UNC45B: variants seen among roughly 807,000 people sequenced by gnomAD.
UNC45B encodes protein unc-45 homolog B.
A neutral mutation model predicts 98.7 loss-of-function variants in UNC45B; 78 were observed. That is an observed-to-expected ratio of 0.79 (90% confidence interval 0.66 to 0.95). The LOEUF (loss-of-function observed/expected upper bound fraction) is 0.95, where lower values mean the gene tolerates loss of function less well. Ranked by LOEUF, UNC45B falls within the 40% of genes least tolerant of loss-of-function variation. The pLI, the probability that UNC45B is intolerant of heterozygous loss-of-function variation, is 0.00. For missense variants in UNC45B, 1,225 were observed against 1,184.9 expected, an observed-to-expected ratio of 1.03 and a Z score of -0.50; for synonymous variants, 462 against 480.4, an observed-to-expected ratio of 0.96 and a Z score of 0.50.
At chr17:35,181,408 A>T (rs1260637496) in intron 18 of UNC45B, among the ~76,000 whole-genome samples, 2 of 152,182 alleles carry the variant, frequency 1.3e-5, no homozygotes, top group East Asian at 1.9e-4. Flanking sequence ...GGGCCCTCAC[A>T]TAGGGGCTAG....
intron 5 of UNC45B, among the ~76,000 whole-genome samples, chr17:35,153,540 C>T (rs1295779637): frequency 6.6e-6 from 1 of 151,254 alleles, no homozygotes; most frequent in African/African-American, 2.4e-5. Flanking sequence ...ATTGAACATT[C>T]GAGTGTTTTA....
rs1267865119 is a variant in UNC45B at position 35,155,523 on chromosome 17, AC to A, written c.808+61del. 3.2e-6 allele frequency: 5 copies of A among 1,561,528 alleles called. No homozygotes were observed. In the East Asian group the frequency reaches 1.1e-4, roughly 35 times the overall value. On this transcript the variant is annotated intron_variant, in intron 7 of 19. Coordinates refer to ENST00000394570, the MANE Select transcript of UNC45B (RefSeq NM_001267052.2). ...ATGGGGAAAGAAAAGGTCAGTTGCT[AC>A]CTCAGACTGGGAATTCCCTGTATGT...
At chr17:35,156,400 G>A (rs2092061746) in intron 7 of UNC45B, among the ~76,000 whole-genome samples, 1 of 152,154 alleles carries the variant, frequency 6.6e-6, no homozygotes, top group Non-Finnish European at 1.5e-5. Context: ...GGCCGAGGTG[G>A]ATGGATCATG....
At chr17:35,153,485 C>CTT (rs34389477) in intron 5 of UNC45B, among the ~76,000 whole-genome samples, 45 of 148,946 alleles carry the variant, frequency 3.0e-4, no homozygotes, top group Non-Finnish European at 5.4e-4. Context: ...AACTTGTTAC[C>CTT]TTTTTTTTTT....
intron 7 of UNC45B, among the ~76,000 whole-genome samples, chr17:35,155,959 G>C (rs1351199986): frequency 6.6e-6 from 1 of 152,156 alleles, no homozygotes; most frequent in East Asian, 1.9e-4. Flanking sequence ...AGCGTCTATT[G>C]GTGGGTGACT....
At chr17:35,157,307 T>G (rs2092070508) in intron 7 of UNC45B, among the ~76,000 whole-genome samples, 1 of 152,158 alleles carries the variant, frequency 6.6e-6, no homozygotes, top group South Asian at 2.1e-4. Context: ...TGGCACGATC[T>G]CAGCTCATTG....
In UNC45B at chr17:35,177,099, C is replaced by G; in HGVS notation, c.2108C>G (p.Ser703Cys). 1.9e-6 allele frequency: 3 copies of G among 1,614,174 alleles called. No homozygotes were observed. The highest frequency in any genetic ancestry group is 2.5e-6 in the Non-Finnish European group (3 of 1,180,032). The change falls in exon 16 of 20, where the codon TCC (serine) becomes TGC (cysteine). Residue 703 changes from serine to cysteine, a missense_variant. Coordinates refer to ENST00000394570, the MANE Select transcript of UNC45B (RefSeq NM_001267052.2). ...AHALAKIAAV[S>C]NPDIAFPGER... ...GCTCTAGCAAAGATCGCTGCTGTCTCCAATCCGGACATTGCTTTTCCTGGG... is the reference window on the plus strand; with the variant it reads ...GCTCTAGCAAAGATCGCTGCTGTCTGCAATCCGGACATTGCTTTTCCTGGG...
intron 13 of UNC45B, among the ~76,000 whole-genome samples, chr17:35,173,093 C>T (rs567078249): frequency 2.0e-5 from 3 of 151,726 alleles, no homozygotes; most frequent in Non-Finnish European, 4.4e-5. Flanking sequence ...CACATTGCCA[C>T]ACGCACTGTG....
At chr17:35,172,852 T>C (rs956108016) in intron 13 of UNC45B, among the ~76,000 whole-genome samples, 7 of 152,234 alleles carry the variant, frequency 4.6e-5, no homozygotes, top group African/African-American at 1.7e-4. Flanking sequence ...ACGCATCATT[T>C]AGTCTTTTGG....
Position 35,170,257 on chromosome 17 carries a change from C to A in UNC45B, c.1689+2C>A, listed in dbSNP as rs1434641920. ...CAGGCCATGTTTGAGCTGGCCAAGG[C>A]AGGTGTCGGGGAGTCTGGCCCGACC... is the stretch of plus-strand genomic sequence containing the variant. On this transcript the variant is annotated splice_donor_variant, in intron 12 of 19. Coordinates refer to ENST00000394570, the MANE Select transcript of UNC45B (RefSeq NM_001267052.2). LOFTEE classifies it high-confidence loss of function. 4 of 1,603,322 alleles carry A rather than the reference C, an allele frequency of 2.5e-6. No individual in the cohort carries two copies. The highest frequency in any genetic ancestry group is 3.4e-6 in the Non-Finnish European group (4 of 1,172,814).
At chr17:35,175,070 A>AGAAAGAAAGAAAGAAAGAAG (rs2092220792) in intron 14 of UNC45B, among the ~76,000 whole-genome samples, 3 of 121,000 alleles carry the variant, frequency 2.5e-5, no homozygotes, top group African/African-American at 9.5e-5. Flanking sequence ...GAAGAAAGAA[A>AGAAAGAAAGAAAGAAAGAAG]GAAAGAAAGA....
chr17:35,161,722 G>A (rs1199767780), intron 8 of UNC45B, among the ~76,000 whole-genome samples: 1 of 152,164 alleles, frequency 6.6e-6, no homozygotes, highest in Non-Finnish European at 1.5e-5. Flanking sequence ...TGGTGGCTGG[G>A]ATCCCCTAGA....
chr17:35,174,503 AG>A (rs1422788300), intron 14 of UNC45B, 134 bp downstream of exon 14: 2 of 1,293,552 alleles, frequency 1.5e-6, no homozygotes, highest in African/African-American at 3.0e-5. Context: ...GCCTGGAGAA[AG>A]GTCTGAGGGG....
At chr17:35,176,951 G>A in intron 15 of UNC45B, 66 bp from the exon 16 acceptor site, 2 of 1,290,664 alleles carry the variant, frequency 1.5e-6, no homozygotes, top group East Asian at 2.3e-5. Flanking sequence ...AGCACCTGGA[G>A]CAGGAGGATA....
rs746415209 is a variant in UNC45B, at chr17:35,175,087, G to GAA, written c.1958+719_1958+720insAA. Among the ~76,000 whole-genome samples, 241 of 93,824 alleles carry GAA rather than the reference G, an allele frequency of 2.6e-3. 2 individuals carry two copies. The highest frequency in any genetic ancestry group is 0.012 in the African/African-American group (216 of 18,722). 61.6% of individuals were successfully genotyped at this position (93,824 alleles called of 152,430 possible). The stretch of plus-strand genomic sequence containing the variant: ...AGAAAGAAAGAAAGAAAGAAAGAAA[G>GAA]AGAAAGAAAGAAAAAAGAAAAGAAA... On this transcript the variant is annotated intron_variant, in intron 14 of 19. Transcript: ENST00000394570.
intron 2 of UNC45B, 55 bp downstream of exon 2, chr17:35,148,486 G>GCCACTCAGCCCCAA: frequency 6.4e-7 from 1 of 1,569,842 alleles, no homozygotes; most frequent in Non-Finnish European, 8.7e-7. Flanking sequence ...CTTTGGGGCT[G>GCCACTCAGCCCCAA]AGTGGCAGCC....
At chr17:35,148,888 C>G in intron 2 of UNC45B, 85 bp from the exon 3 acceptor site, 5 of 1,527,434 alleles carry the variant, frequency 3.3e-6, no homozygotes, top group Non-Finnish European at 4.5e-6. Flanking sequence ...AGGAAACCCT[C>G]TCCCCACACT....
rs2092209734 is a variant in UNC45B, at chr17:35,174,173, C to T, written c.1831-69C>T. The T allele has an allele frequency of 1.9e-6, 3 of 1,599,442 alleles. No individual in the cohort carries two copies. In the African/African-American group the frequency reaches 4.0e-5, roughly 21 times the overall value. On this transcript the variant is annotated intron_variant, in intron 13 of 19. Transcript: ENST00000394570. ...CCCCAAGAATTCAGAAATGCACCAT[C>T]TTTGGTTCCAATACCGATTGGCCTG...
rs546437439 is a variant in UNC45B, at chr17:35,166,259, C to A, written c.1152-1802C>A. ...CTCCAGCCTGGGCAAGAGCGTGAGA[C>A]CCCGTCTCAAATAAAATAAAATAAT... On this transcript the variant is annotated intron_variant, in intron 9 of 19. Transcript: ENST00000394570. Among the ~76,000 whole-genome samples, 13 of 145,206 alleles carry A rather than the reference C, an allele frequency of 9.0e-5. No homozygotes were observed. The South Asian group carries it at 2.6e-3, about 29-fold the overall frequency.
Sources: allele counts gnomAD v4.1 joint callset (sites outside exome capture counted in the v4.1 genomes callset), GRCh38; gene constraint gnomAD v4.1.1; transcripts MANE v1.5; gene names NCBI Gene and HGNC (gene_info 2026-07-23, HGNC 2026-07-21).